TAFA1: variants seen among roughly 807,000 people sequenced by gnomAD.
TAFA1 encodes chemokine-like protein TAFA-1.
TAFA1 carries 4 observed loss-of-function variants against 18.5 expected under a neutral mutation model. That is an observed-to-expected ratio of 0.22 (90% confidence interval 0.11 to 0.49). The LOEUF is 0.49. Among genes scored for constraint, TAFA1 ranks in the 20% least tolerant of loss-of-function variants. The pLI is 0.98. For missense variants in TAFA1, 147 were observed against 169.0 expected, an observed-to-expected ratio of 0.87 and a Z score of 0.72; for synonymous variants, 56 against 55.2, an observed-to-expected ratio of 1.01 and a Z score of -0.06.
chr3:68,246,217 C>T (rs2067073609), intron 2 of TAFA1, among the ~76,000 whole-genome samples: 1 of 152,170 alleles, frequency 6.6e-6, no homozygotes, highest in South Asian at 2.1e-4. Context: ...TGGGGAAACA[C>T]ACCTGAACCA....
chr3:68,130,929 A>G (rs1201521861), intron 2 of TAFA1, among the ~76,000 whole-genome samples: 3 of 151,286 alleles, frequency 2.0e-5, no homozygotes, highest in Non-Finnish European at 4.4e-5. Context: ...TTTCCTTGTT[A>G]TTTTCTTGTT....
chr3:68,195,834 T>A (rs777165807), intron 2 of TAFA1, among the ~76,000 whole-genome samples: 18 of 151,760 alleles, frequency 1.2e-4, no homozygotes, highest in Non-Finnish European at 2.1e-4. Context: ...CCATATCATA[T>A]ATGTCTTTGT....
intron 3 of TAFA1, among the ~76,000 whole-genome samples, chr3:68,434,612 G>A (rs575826927): frequency 1.3e-5 from 2 of 152,070 alleles, no homozygotes; most frequent in Admixed American, 1.3e-4. Context: ...TTCCTGGAAG[G>A]CACAAAACAT....
chr3:68,017,716 T>C (rs928342423), intron 2 of TAFA1, among the ~76,000 whole-genome samples: 3 of 152,252 alleles, frequency 2.0e-5, no homozygotes, highest in African/African-American at 7.2e-5. Context: ...AGTGCAGCTT[T>C]AGACAGTTCT....
chr3:68,400,266 T>C (rs1375180199), intron 2 of TAFA1, among the ~76,000 whole-genome samples: 1 of 152,182 alleles, frequency 6.6e-6, no homozygotes, highest in Non-Finnish European at 1.5e-5. Flanking sequence ...GAACAGTGGA[T>C]TTCATCTACA....
At chr3:68,233,811 T>C (rs758069163) in intron 2 of TAFA1, among the ~76,000 whole-genome samples, 3 of 152,216 alleles carry the variant, frequency 2.0e-5, no homozygotes, top group Admixed American at 6.5e-5. Context: ...ACCTTATTTT[T>C]TTAATGAAGC....
chr3:68,394,287 C>A (rs1012271212), intron 2 of TAFA1, among the ~76,000 whole-genome samples: 1 of 152,164 alleles, frequency 6.6e-6, no homozygotes, highest in South Asian at 2.1e-4. Flanking sequence ...AACCACTGCT[C>A]AAGGAAATAA....
intron 3 of TAFA1, among the ~76,000 whole-genome samples, chr3:68,488,366 A>G (rs1240929863): frequency 6.6e-6 from 1 of 152,210 alleles, no homozygotes; most frequent in Admixed American, 6.5e-5. Flanking sequence ...AGCTGATTAG[A>G]TGGTGCCCAC....
At chr3:68,244,473 A>C (rs1326478696) in intron 2 of TAFA1, among the ~76,000 whole-genome samples, 1 of 152,132 alleles carries the variant, frequency 6.6e-6, no homozygotes, top group African/African-American at 2.4e-5. Context: ...TTGCTTGTGG[A>C]TACCCAATTG....
At chr3:68,220,178 T>C (rs2066712312) in intron 2 of TAFA1, among the ~76,000 whole-genome samples, 1 of 152,200 alleles carries the variant, frequency 6.6e-6, no homozygotes. Context: ...ATTTGGTTCA[T>C]TAACTCAAGA....
intron 2 of TAFA1, among the ~76,000 whole-genome samples, chr3:68,396,069 ATGTT>A (rs1032929424): frequency 4.6e-5 from 7 of 152,094 alleles, no homozygotes; most frequent in African/African-American, 1.4e-4. Context: ...CTGGGGGAAA[ATGTT>A]TGTAGATTTA....
intron 2 of TAFA1, among the ~76,000 whole-genome samples, chr3:68,199,327 C>T (rs140921407): frequency 6.6e-6 from 1 of 151,432 alleles, no homozygotes; most frequent in Admixed American, 6.6e-5. Context: ...CCTTCAATGT[C>T]GTGTTGGCTA....
rs188803321 is a variant in TAFA1, at chr3:68,201,003, C to T, written c.118+194259C>T. ...AATATATACATTCAATATATGCATT[C>T]AATGCTGTAAACTTCTCTCTTATGT... is the stretch of plus-strand genomic sequence containing the variant. On this transcript the variant is annotated intron_variant, in intron 2 of 4. Coordinates refer to ENST00000478136, the MANE Select transcript of TAFA1 (RefSeq NM_213609.4). 2.9e-3 allele frequency among the ~76,000 whole-genome samples: 445 copies of T among 151,578 alleles called. 3 individuals are homozygous for T. Among genetic ancestry groups the T allele is most frequent in the African/African-American group, 9.8e-3 (407 of 41,398 alleles).
At chr3:68,048,597 C>T (rs1167275143) in intron 2 of TAFA1, among the ~76,000 whole-genome samples, 3 of 152,048 alleles carry the variant, frequency 2.0e-5, no homozygotes, top group Non-Finnish European at 2.9e-5. Context: ...CTAGTTTCCC[C>T]TTCTCCCCCT....
intron 2 of TAFA1, among the ~76,000 whole-genome samples, chr3:68,318,528 C>T (rs890464872): frequency 6.6e-6 from 1 of 152,198 alleles, no homozygotes; most frequent in African/African-American, 2.4e-5. Context: ...GCTTAGGTTG[C>T]ACTGCAGTGC....
intron 2 of TAFA1, among the ~76,000 whole-genome samples, chr3:68,166,056 C>T (rs2065978615): frequency 6.6e-6 from 1 of 152,128 alleles, no homozygotes; most frequent in African/African-American, 2.4e-5. Flanking sequence ...ATAGCAATGC[C>T]AGATAGAAGA....
chr3:68,286,161 A>G (rs2067999700), intron 2 of TAFA1, among the ~76,000 whole-genome samples: 1 of 152,172 alleles, frequency 6.6e-6, no homozygotes, highest in Non-Finnish European at 1.5e-5. Flanking sequence ...CAGTGGGCCA[A>G]GATTGCACCA....
intron 2 of TAFA1, among the ~76,000 whole-genome samples, chr3:68,148,530 T>A (rs980394801): frequency 1.3e-5 from 2 of 152,226 alleles, no homozygotes; most frequent in East Asian, 1.9e-4. Context: ...ATCTGTGCAA[T>A]GACAGGTGTT....
intron 2 of TAFA1, among the ~76,000 whole-genome samples, chr3:68,238,096 A>G (rs2066952190): frequency 6.6e-6 from 1 of 152,102 alleles, no homozygotes; most frequent in Non-Finnish European, 1.5e-5. Flanking sequence ...GATAACATTC[A>G]TAGGCCACCA....
Sources: allele counts gnomAD v4.1 joint callset (sites outside exome capture counted in the v4.1 genomes callset), GRCh38; gene constraint gnomAD v4.1.1; transcripts MANE v1.5; gene names NCBI Gene and HGNC (gene_info 2026-07-23, HGNC 2026-07-21).